The following KLHDC10 variants were observed in gnomAD, a reference collection of about 807,000 sequenced individuals.
KLHDC10 encodes kelch domain containing 10.
KLHDC10 carries 24 observed loss-of-function variants against 56.1 expected under a neutral mutation model. The observed-to-expected ratio is 0.43, with a 90% confidence interval of 0.31 to 0.60. The LOEUF is 0.60. Ranked by LOEUF, KLHDC10 falls within the 20% of genes least tolerant of loss-of-function variation. The pLI, the probability that KLHDC10 is intolerant of heterozygous loss-of-function variation, is 0.11. For synonymous variants in KLHDC10, 188 were observed against 207.1 expected (o/e 0.91, Z 0.79); for missense variants, 349 against 567.0 (o/e 0.62, Z 3.91).
In KLHDC10 at chr7:130,116,011, G is replaced by A. The variant is rs549637894; in HGVS notation, c.254-434G>A. Among the ~76,000 whole-genome samples the A allele has an allele frequency of 1.1e-4, 17 of 152,090 alleles. No homozygotes were observed. Among genetic ancestry groups the A allele is most frequent in the African/African-American group, 4.1e-4 (17 of 41,506 alleles). ...ATTTATACATGACTCATTCATATTC[G>A]TGATTATATTTATTTAGTTCTCTAA... On this transcript the variant is annotated intron_variant, in intron 2 of 9. Coordinates refer to ENST00000335420, the MANE Select transcript of KLHDC10 (RefSeq NM_014997.4). This position sits in a 1 kb window ranked among gnomAD's most constrained non-coding sequence, Gnocchi z 4.8.
chr7:130,093,018 A>T (rs199579466), intron 1 of KLHDC10, among the ~76,000 whole-genome samples: 1 of 145,084 alleles, frequency 6.9e-6, no homozygotes, highest in Non-Finnish European at 1.5e-5. Context: ...TTTTTTTTTT[A>T]ATGACTTTTT....
intron 2 of KLHDC10, among the ~76,000 whole-genome samples, chr7:130,112,579 A>G (rs528099052): frequency 5.5e-4 from 84 of 152,282 alleles, no homozygotes; most frequent in African/African-American, 2.0e-3. Context: ...ACCCTGAAAC[A>G]CAATTTCAGT....
At position 130,134,365 on chromosome 7, in the gene KLHDC10, C is replaced by T. The variant is rs975383543; in HGVS notation, c.*3619C>T. 3.3e-5 allele frequency: 5 copies of T among 152,206 alleles called. No individual in the cohort carries two copies. The highest frequency in any genetic ancestry group is 6.5e-5 in the Admixed American group (1 of 15,278). The allele number at this position is 152,206 out of a possible 1,614,324, so 9.4% of individuals were successfully genotyped here. On this transcript the variant is annotated 3_prime_UTR_variant, in exon 10 of 10. Coordinates refer to ENST00000335420, the MANE Select transcript of KLHDC10 (RefSeq NM_014997.4). ...AGGTGGTAATCCTGAGTAGATGTAGCTCTTCAGCGTCATCTCCTGCCCTGA... is the reference window on the plus strand; with the variant it reads ...AGGTGGTAATCCTGAGTAGATGTAGTTCTTCAGCGTCATCTCCTGCCCTGA...
Position 130,097,003 on chromosome 7 carries a change from G to A in KLHDC10, c.249G>A (p.Leu83=). Residue 83 remains leucine (L), a synonymous_variant, in exon 2 of 10, where the codon TTG becomes TTA. Transcript: ENST00000335420. ...CPIIRIPNRF[L]RGHRPPPARS... is the part of the protein sequence containing the mutation. ...TCATAAGGATCCCTAACAGGTTTTT[G>A]AGAGGTGGGTGATAATTAGCAAGAG... The A allele has an allele frequency of 6.2e-7, 1 of 1,600,032 alleles. No individual in the cohort carries two copies. The highest frequency in any genetic ancestry group is 8.5e-7 in the Non-Finnish European group (1 of 1,169,902).
In KLHDC10 at chr7:130,130,722, G is replaced by C. The variant is rs767617409; in HGVS notation, c.1305G>C (p.Gln435His). 6.2e-7 allele frequency: 1 copy of C among 1,614,162 alleles called. No homozygotes were observed. The highest frequency in any genetic ancestry group is 2.2e-5 in the East Asian group (1 of 44,890). ...AACTTCTGCACCTTGGACTCACACAGGGACTCATCGAACGCTTGAAATGAG... is the reference window on the plus strand; with the variant it reads ...AACTTCTGCACCTTGGACTCACACACGGACTCATCGAACGCTTGAAATGAG... ...RTQLLHLGLT[Q>H]GLIERLK is the part of the protein sequence containing the mutation. Residue 435 changes from glutamine (Q) to histidine (H), a missense_variant, in exon 10 of 10, where the codon CAG (glutamine) becomes CAC (histidine). Coordinates refer to ENST00000335420, the MANE Select transcript of KLHDC10 (RefSeq NM_014997.4). The surrounding 1 kb of genome is among the most constrained non-coding windows in gnomAD (Gnocchi z 4.2).
chr7:130,123,016 T>TGGATGG (rs1554467482), intron 5 of KLHDC10, among the ~76,000 whole-genome samples: 7 of 148,932 alleles, frequency 4.7e-5, no homozygotes, highest in African/African-American at 1.2e-4. Context: ...TAGATGGATG[T>TGGATGG]ATGGATGGAT....
intron 1 of KLHDC10, among the ~76,000 whole-genome samples, chr7:130,088,007 T>C (rs2116856933): frequency 6.6e-6 from 1 of 152,106 alleles, no homozygotes; most frequent in Middle Eastern, 3.4e-3. Flanking sequence ...GTGATCCACC[T>C]GCCTCGGCCT....
chr7:130,111,690 C>T (rs762871820), intron 2 of KLHDC10, among the ~76,000 whole-genome samples: 61 of 152,048 alleles, frequency 4.0e-4, no homozygotes, highest in Non-Finnish European at 8.4e-4. Context: ...AGGTCTCACT[C>T]AGCCTGAGCG....
chr7:130,107,573 A>G (rs1442904294), intron 2 of KLHDC10, among the ~76,000 whole-genome samples: 2 of 151,946 alleles, frequency 1.3e-5, no homozygotes, highest in Non-Finnish European at 1.5e-5. Flanking sequence ...ACCAGGTGCC[A>G]TGGTTCACGC....
chr7:130,106,757 C>G (rs78298636), intron 2 of KLHDC10, among the ~76,000 whole-genome samples: 20,448 of 151,984 alleles, frequency 0.13, 1,578 homozygotes, highest in East Asian at 0.31. Context: ...GTGGGAGGAT[C>G]TCTTGAGCCC....
rs1327772105 is a variant in KLHDC10, at chr7:130,130,270, T to C, written c.1120-267T>C. On this transcript the variant is annotated intron_variant, in intron 9 of 9. Coordinates refer to ENST00000335420, the MANE Select transcript of KLHDC10 (RefSeq NM_014997.4). This position sits in a 1 kb window ranked among gnomAD's most constrained non-coding sequence, Gnocchi z 4.2. ...GGGAGGCGGAGAGCTTGCAGTGAGC[T>C]GAAATTGCGCCACTGCACTCCAGCC... Among the ~76,000 whole-genome samples the C allele has an allele frequency of 6.7e-6, 1 of 149,182 alleles. No homozygotes were observed. Among genetic ancestry groups the C allele is most frequent in the South Asian group, 2.1e-4 (1 of 4,766 alleles).
intron 1 of KLHDC10, 46 bp from the exon 2 acceptor site, chr7:130,096,875 A>G (rs762255047): frequency 1.6e-5 from 21 of 1,305,458 alleles, no homozygotes; most frequent in Non-Finnish European, 2.1e-5. Flanking sequence ...TATTATTTGC[A>G]ATGTGTTGTA....
At chr7:130,117,543 T>C (rs1289457985) in intron 3 of KLHDC10, 2 of 175,294 alleles carry the variant, frequency 1.1e-5, no homozygotes, top group Non-Finnish European at 2.4e-5. Context: ...TCACTAGGAG[T>C]AGATTCTATC....
chr7:130,130,160 A>T lies in KLHDC10; in HGVS notation c.1120-377A>T, dbSNP rs930161361. On this transcript the variant is annotated intron_variant, in intron 9 of 9. Transcript: ENST00000335420. The surrounding 1 kb of genome is among the most constrained non-coding windows in gnomAD (Gnocchi z 4.2). ...ATGAAACCCCATCTCTACTAAAAATACAAAAAAAAATTAGCCGGACGTGGT... is the reference window on the plus strand; with the variant it reads ...ATGAAACCCCATCTCTACTAAAAATTCAAAAAAAAATTAGCCGGACGTGGT... Among the ~76,000 whole-genome samples the T allele has an allele frequency of 2.6e-5, 4 of 152,052 alleles. No homozygotes were observed. The highest frequency in any genetic ancestry group is 9.6e-5 in the African/African-American group (4 of 41,488).
chr7:130,123,352 C>T (rs1381997316), intron 5 of KLHDC10, among the ~76,000 whole-genome samples: 1 of 151,994 alleles, frequency 6.6e-6, no homozygotes, highest in Non-Finnish European at 1.5e-5. Flanking sequence ...CACCTGTAAT[C>T]CCAGCTACTC....
intron 1 of KLHDC10, among the ~76,000 whole-genome samples, chr7:130,093,697 C>T (rs970725680): frequency 1.3e-5 from 2 of 152,110 alleles, no homozygotes; most frequent in Non-Finnish European, 2.9e-5. Flanking sequence ...TGGCGTCACA[C>T]TGTTATGTTG....
At chr7:130,094,783 TC>T (rs1366869308) in intron 1 of KLHDC10, 2 of 152,276 alleles carry the variant, frequency 1.3e-5, no homozygotes, top group Non-Finnish European at 2.9e-5. Flanking sequence ...TACTTAACCA[TC>T]CCCTATCATT....
At chr7:130,071,105 C>T (rs990709046) in intron 1 of KLHDC10, among the ~76,000 whole-genome samples, 1 of 152,218 alleles carries the variant, frequency 6.6e-6, no homozygotes, top group Non-Finnish European at 1.5e-5. Flanking sequence ...ACTCGATTCC[C>T]AATCTCTTCC....
At chr7:130,103,652 A>G (rs1795966447) in intron 2 of KLHDC10, among the ~76,000 whole-genome samples, 1 of 152,174 alleles carries the variant, frequency 6.6e-6, no homozygotes. Flanking sequence ...AAATGCCTTC[A>G]GTGTTCTGAG....
Sources: gnomAD v4.1 joint callset for allele counts (sites outside exome capture counted in the v4.1 genomes callset) on GRCh38, gnomAD v4.1.1 for gene constraint, Gnocchi (gnomAD v3.1) non-coding constraint, MANE v1.5 for transcripts, NCBI Gene and HGNC (gene_info 2026-07-23, HGNC 2026-07-21) for gene names.